MYB: variants seen among roughly 807,000 people sequenced by gnomAD.
MYB encodes the protein MYB proto-oncogene, transcription factor, also known as transcriptional activator Myb.
A neutral mutation model predicts 92.9 loss-of-function variants in MYB; 28 were observed. The observed-to-expected ratio is 0.30, with a 90% CI of 0.22 to 0.41. The LOEUF is 0.41. Among genes scored for constraint, MYB ranks in the 10% least tolerant of loss-of-function variants. The probability of loss-of-function intolerance (pLI) is 1.00; values close to 1 mark genes in which losing one functional copy is unlikely to be tolerated. For synonymous variants in MYB, 295 were observed against 329.1 expected (o/e 0.90, Z 1.12); for missense variants, 679 against 929.3 (o/e 0.73, Z 3.50).
At chr6:135,216,389 T>G (rs2128325588) in intron 15 of MYB, among the ~76,000 whole-genome samples, 1 of 152,340 alleles carries the variant, frequency 6.6e-6, no homozygotes, top group African/African-American at 2.4e-5. Context: ...TATTGCATAG[T>G]GGTCAAAGTC....
At chr6:135,212,250 T>TTTTTTTTTTTA in intron 15 of MYB, among the ~76,000 whole-genome samples, 1 of 143,238 alleles carries the variant, frequency 7.0e-6, no homozygotes, top group Non-Finnish European at 1.5e-5. Context: ...TTTTTTTTTT[T>TTTTTTTTTTTA]TTTTTTTAGT....
At chr6:135,217,742 C>G (rs553195691) in intron 15 of MYB, 122 bp from the exon 16 acceptor site, 22 of 745,950 alleles carry the variant, frequency 2.9e-5, no homozygotes, top group Non-Finnish European at 5.1e-5. Flanking sequence ...AGGTAAGATT[C>G]TATCTGACAA....
chr6:135,196,024 A>G (rs1410375275), intron 9 of MYB, 22 bp downstream of exon 9: 2 of 1,604,048 alleles, frequency 1.2e-6, no homozygotes, highest in African/African-American at 2.7e-5. Context: ...TGTGAAGGGA[A>G]GTTAACGATT....
At chr6:135,204,290 T>C (rs1010342293) in intron 15 of MYB, among the ~76,000 whole-genome samples, 1 of 152,130 alleles carries the variant, frequency 6.6e-6, no homozygotes, top group African/African-American at 2.4e-5. Flanking sequence ...TTTTTCAGGG[T>C]TTTTTGTTGA....
At position 135,190,401 on chromosome 6, in the gene MYB, G is replaced by C. The variant is rs1264997986; in HGVS notation, c.527+54G>C. 1 of 1,372,616 alleles carries C rather than the reference G, an allele frequency of 7.3e-7. No homozygotes were observed. Among genetic ancestry groups the C allele is most frequent in the Non-Finnish European group, 1.0e-6 (1 of 972,146 alleles). The allele number at this position is 1,372,616 out of a possible 1,614,324, so 85.0% of individuals were successfully genotyped here. On this transcript the variant is annotated intron_variant, in intron 5 of 15. Coordinates refer to ENST00000341911, the MANE Select transcript of MYB (RefSeq NM_001130173.2). The surrounding 1 kb of genome is among the most constrained non-coding windows in gnomAD (Gnocchi z 4.5). ...CGGGAAGAATGAGGGAGTGGGTATTGAACATTCTGCTTTAAATGTATGGTG... is the reference window on the plus strand; with the variant it reads ...CGGGAAGAATGAGGGAGTGGGTATTCAACATTCTGCTTTAAATGTATGGTG...
At chr6:135,205,838 G>A (rs1425355074) in intron 15 of MYB, among the ~76,000 whole-genome samples, 3 of 152,176 alleles carry the variant, frequency 2.0e-5, no homozygotes. Context: ...GGGAAGCCAA[G>A]ACTGGAGGAT....
At chr6:135,214,141 G>A (rs1780110938) in intron 15 of MYB, among the ~76,000 whole-genome samples, 1 of 151,906 alleles carries the variant, frequency 6.6e-6, no homozygotes, top group Non-Finnish European at 1.5e-5. Context: ...ACATAGCTGG[G>A]CATGGTGACA....
At chr6:135,193,732 A>T in intron 6 of MYB, 106 bp from the exon 7 acceptor site, 1 of 680,472 alleles carries the variant, frequency 1.5e-6, no homozygotes, top group Admixed American at 2.4e-5. Flanking sequence ...TTATCAGTAA[A>T]GTGTTTTTTT....
Position 135,203,735 on chromosome 6 carries a change from T to G in MYB, c.2169+411T>G, listed in dbSNP as rs1173759079. 8.8e-6 allele frequency: 12 copies of G among 1,368,570 alleles called. No homozygotes were observed. The South Asian group carries it at 1.2e-4, about 14-fold the overall frequency. The allele number at this position is 1,368,570 out of a possible 1,614,324, so 84.8% of individuals were successfully genotyped here. A position where few individuals can be genotyped will look rare whatever the true frequency, so the allele number is the denominator to read the frequency against. On this transcript the variant is annotated intron_variant, in intron 15 of 15. Coordinates refer to ENST00000341911, the MANE Select transcript of MYB (RefSeq NM_001130173.2). ...CCCTAGGCAACCAAAGCTCAGAGACTGTTCCAATTTTAAATGAAGTCTGAA... is the reference window on the plus strand; with the variant it reads ...CCCTAGGCAACCAAAGCTCAGAGACGGTTCCAATTTTAAATGAAGTCTGAA...
At chr6:135,199,315 T>C (rs1777747809) in intron 11 of MYB, among the ~76,000 whole-genome samples, 1 of 152,168 alleles carries the variant, frequency 6.6e-6, no homozygotes, top group Non-Finnish European at 1.5e-5. Context: ...TCATAAAACT[T>C]TTCCATTCGG....
Position 135,196,022 on chromosome 6 carries a change from G to C in MYB, c.1203+20G>C. 6.2e-7 allele frequency: 1 copy of C among 1,604,590 alleles called. No individual in the cohort carries two copies. Among genetic ancestry groups the C allele is most frequent in the Non-Finnish European group, 8.5e-7 (1 of 1,172,882 alleles). On this transcript the variant is annotated intron_variant, in intron 9 of 15. Transcript: ENST00000341911. ...GATTCTGTAAGTAGAATTGTGAAGG[G>C]AAGTTAACGATTCTGGAAGATAAAT...
At chr6:135,195,370 G>C in intron 8 of MYB, 1 of 253,036 alleles carries the variant, frequency 4.0e-6, no homozygotes, top group Non-Finnish European at 7.8e-6. Context: ...GCTTTTTTGT[G>C]GTTAGAATGC....
intron 15 of MYB, among the ~76,000 whole-genome samples, chr6:135,207,622 G>T (rs558105641): frequency 1.5e-4 from 23 of 152,124 alleles, no homozygotes; most frequent in Non-Finnish European, 5.9e-5. Flanking sequence ...TAGAAATGCC[G>T]AGAAGCTATG....
chr6:135,206,651 G>A (rs1026232083), intron 15 of MYB, among the ~76,000 whole-genome samples: 3 of 152,102 alleles, frequency 2.0e-5, no homozygotes, highest in Admixed American at 6.6e-5. Context: ...AGCCCAGATC[G>A]TGCCATTGAA....
rs1780755066 is a variant in MYB at position 135,218,894 on chromosome 6, T to C, written c.*914T>C. ...CGTTGCACTTCTTTTTTGGGAGATGTGTGTTGTTGATGTTCTATGTTTTGT... is the reference window on the plus strand; with the variant it reads ...CGTTGCACTTCTTTTTTGGGAGATGCGTGTTGTTGATGTTCTATGTTTTGT... On this transcript the variant is annotated 3_prime_UTR_variant, in exon 16 of 16. Transcript: ENST00000341911. The C allele has an allele frequency of 4.4e-6, 1 of 229,118 alleles. No individual in the cohort carries two copies. Among genetic ancestry groups the C allele is most frequent in the South Asian group, 1.8e-4 (1 of 5,494 alleles). The allele number at this position is 229,118 out of a possible 1,614,324, so 14.2% of individuals were successfully genotyped here.
At position 135,216,521 on chromosome 6, in the gene MYB, T is replaced by A. The variant is rs201502638; in HGVS notation, c.2170-1343T>A. On this transcript the variant is annotated intron_variant, in intron 15 of 15. Transcript: ENST00000341911. Reference sequence around the variant, plus strand: ...ACAATGTAAATGCTATGGAAATAGTTGTTATATTGTTAGGGGATAATGACA... The same window carrying A: ...ACAATGTAAATGCTATGGAAATAGTAGTTATATTGTTAGGGGATAATGACA... Among the ~76,000 whole-genome samples the A allele has an allele frequency of 4.6e-5, 7 of 152,292 alleles. No homozygotes were observed. In the South Asian group the frequency reaches 1.0e-3, roughly 23 times the overall value.
Position 135,196,000 on chromosome 6 carries a change from T to C in MYB, c.1201T>C (p.Ser401Pro). Reference protein sequence around the residue: ...EFAETLQFIDSDSSSWCDLSS... With the variant: ...EFAETLQFIDPDSSSWCDLSS... ...TGCAGAAACACTCCAATTTATAGAT[T>C]CTGTAAGTAGAATTGTGAAGGGAAG... is the stretch of plus-strand genomic sequence containing the variant. Residue 401 changes from serine (S) to proline (P), a missense_variant and splice_region_variant, in exon 9 of 16, where the codon TCT becomes CCT. Ser to Pro is a moderately conservative substitution (Grantham distance 74, BLOSUM62 -1). Transcript: ENST00000341911. 1 of 1,611,586 alleles carries C rather than the reference T, an allele frequency of 6.2e-7. No individual in the cohort carries two copies. The highest frequency in any genetic ancestry group is 8.5e-7 in the Non-Finnish European group (1 of 1,177,816).
intron 2 of MYB, 53 bp from the exon 3 acceptor site, chr6:135,187,781 C>A: frequency 1.6e-6 from 2 of 1,238,184 alleles, no homozygotes; most frequent in Non-Finnish European, 2.3e-6. Flanking sequence ...TTAACTTGAA[C>A]AGAGTTATAT....
At chr6:135,191,117 C>T (rs1244135537) in intron 5 of MYB, among the ~76,000 whole-genome samples, 2 of 152,160 alleles carry the variant, frequency 1.3e-5, no homozygotes, top group African/African-American at 4.8e-5. Flanking sequence ...CATTATACCA[C>T]TTTGCTTAAT....
Sources: gnomAD v4.1 joint callset for allele counts (sites outside exome capture counted in the v4.1 genomes callset) on GRCh38, gnomAD v4.1.1 for gene constraint, Gnocchi (gnomAD v3.1) non-coding constraint, MANE v1.5 for transcripts, NCBI Gene and HGNC (gene_info 2026-07-23, HGNC 2026-07-21) for gene names.